RRM1: variants seen among roughly 807,000 people sequenced by gnomAD.
The protein encoded by RRM1 is ribonucleotide reductase catalytic subunit M1.
Under a neutral mutation model 101.5 loss-of-function variants are expected in RRM1, and 19 were observed. The ratio of observed to expected loss-of-function variants is 0.19; its 90% confidence interval spans 0.13 to 0.27. The LOEUF is 0.27. Among genes scored for constraint, RRM1 ranks in the 10% least tolerant of loss-of-function variants. RRM1 has a pLI of 1.00. For missense variants in RRM1, 500 were observed against 962.9 expected, an observed-to-expected ratio of 0.52 and a Z score of 6.36; for synonymous variants, 298 against 323.4, an observed-to-expected ratio of 0.92 and a Z score of 0.84.
chr11:4,109,953 A>G, intron 5 of RRM1, among the ~76,000 whole-genome samples: 1 of 152,164 alleles, frequency 6.6e-6, no homozygotes, highest in East Asian at 1.9e-4. Context: ...AAATTACCAT[A>G]AGTATTTCAT....
At chr11:4,118,069 A>G (rs1312242507) in intron 7 of RRM1, among the ~76,000 whole-genome samples, 1 of 152,214 alleles carries the variant, frequency 6.6e-6, no homozygotes, top group East Asian at 1.9e-4. Flanking sequence ...AGACTTATCT[A>G]TAAGACTTCC....
chr11:4,122,878 A>AC (rs928802776), intron 11 of RRM1, among the ~76,000 whole-genome samples: 4 of 151,956 alleles, frequency 2.6e-5, no homozygotes, highest in African/African-American at 9.7e-5. Flanking sequence ...GTCTCAAAAA[A>AC]AAAAAAAGGA....
At chr11:4,095,385 ACTGACGCTCAGAGCGAGGTGTCG>A (rs1294652438) in intron 1 of RRM1, among the ~76,000 whole-genome samples, 9 of 17,332 alleles carry the variant, frequency 5.2e-4, no homozygotes, top group Non-Finnish European at 4.3e-3. Context: ...AGATGAGGAA[ACTGACGCTCAGAGCGAGGTGTCG>A]CCGACTGACC....
intron 7 of RRM1, 88 bp downstream of exon 7, chr11:4,112,150 A>C: frequency 1.1e-6 from 1 of 934,790 alleles, no homozygotes; most frequent in Non-Finnish European, 1.7e-6. Flanking sequence ...ATGACCTTTT[A>C]GTAGCTGCCT....
intron 4 of RRM1, 50 bp downstream of exon 4, chr11:4,107,585 A>G (rs745452944): frequency 8.8e-7 from 1 of 1,141,590 alleles, no homozygotes; most frequent in South Asian, 1.3e-5. Context: ...CTTTTTTAAT[A>G]ATGCACACAT....
chr11:4,129,620 AT>A (rs887519704), intron 15 of RRM1, among the ~76,000 whole-genome samples: 12 of 136,164 alleles, frequency 8.8e-5, no homozygotes, highest in South Asian at 2.5e-4. Flanking sequence ...TGAAAAAAAA[AT>A]TTTTAAATTG....
chr11:4,109,464 G>A (rs976125066), intron 4 of RRM1, among the ~76,000 whole-genome samples, 180 bp from the exon 5 acceptor site: 2 of 151,750 alleles, frequency 1.3e-5, no homozygotes, highest in Non-Finnish European at 2.9e-5. Context: ...TAATTTATAT[G>A]TATTGTTTCT....
At chr11:4,111,221 C>T (rs1379928019) in intron 5 of RRM1, among the ~76,000 whole-genome samples, 2 of 151,548 alleles carry the variant, frequency 1.3e-5, no homozygotes, top group Non-Finnish European at 2.9e-5. Flanking sequence ...TTCTGGCTAA[C>T]ATGACGAAAC....
intron 18 of RRM1, among the ~76,000 whole-genome samples, chr11:4,136,763 T>TTA (rs1449961892): frequency 1.5e-4 from 23 of 150,456 alleles, no homozygotes; most frequent in African/African-American, 4.7e-4. Context: ...TGTTTTTTCT[T>TTA]TTTATTTATT....
chr11:4,124,735 A>G (rs2094586832), intron 12 of RRM1, among the ~76,000 whole-genome samples: 1 of 152,066 alleles, frequency 6.6e-6, no homozygotes, highest in Non-Finnish European at 1.5e-5. Context: ...TCTGTTGCCC[A>G]AGCTGGGCTG....
At chr11:4,112,169 T>A in intron 7 of RRM1, 107 bp downstream of exon 7, 1 of 763,316 alleles carries the variant, frequency 1.3e-6, no homozygotes, top group Non-Finnish European at 2.1e-6. Context: ...CTGCTCTGAT[T>A]AAATGAGATT....
chr11:4,118,776 A>G (rs2094577540), intron 8 of RRM1, among the ~76,000 whole-genome samples: 2 of 152,322 alleles, frequency 1.3e-5, no homozygotes, highest in South Asian at 2.1e-4. Context: ...TAAATGTTTT[A>G]CATGAGGTAC....
At chr11:4,104,708 G>A (rs2094556110) in intron 2 of RRM1, among the ~76,000 whole-genome samples, 1 of 152,126 alleles carries the variant, frequency 6.6e-6, no homozygotes, top group South Asian at 2.1e-4. Context: ...GATTATCAAA[G>A]TTGATAATTA....
At chr11:4,111,743 A>G (rs2094565875) in intron 6 of RRM1, 103 bp downstream of exon 6, 4 of 1,256,226 alleles carry the variant, frequency 3.2e-6, no homozygotes, top group African/African-American at 1.5e-5. Flanking sequence ...TCTAGATAAC[A>G]TTTTGGACTT....
Position 4,135,219 on chromosome 11 carries a change from T to C in RRM1, c.2139T>C (p.Ala713=). ...DQSQSLNIHI[A]EPNYGKLTSM... is the part of the protein sequence containing the mutation. ...GCCAATCTTTGAACATCCACATTGC[T>C]GAGCCTAACTATGGCAAACTCACTA... Residue 713 remains alanine, a synonymous_variant, in exon 18 of 19, where the codon GCT becomes GCC. Transcript: ENST00000300738. 6.2e-7 allele frequency: 1 copy of C among 1,613,476 alleles called. No individual in the cohort carries two copies. The highest frequency in any genetic ancestry group is 1.1e-5 in the South Asian group (1 of 90,816).
intron 18 of RRM1, among the ~76,000 whole-genome samples, chr11:4,136,740 TTG>T (rs1279945251): frequency 3.5e-5 from 5 of 141,394 alleles, no homozygotes; most frequent in African/African-American, 1.3e-4. Flanking sequence ...ATTTTTTTGT[TTG>T]TTTGTTTGTT....
chr11:4,114,504 C>T lies in RRM1; in HGVS notation c.650+2442C>T, dbSNP rs953258443. 2.0e-5 allele frequency among the ~76,000 whole-genome samples: 3 copies of T among 149,340 alleles called. No individual in the cohort carries two copies. In the Admixed American group the frequency reaches 2.0e-4, roughly 10 times the overall value. Reference sequence around the variant, plus strand: ...GGCGGAGGTTGCAGTGAGCCAACATCGCACCACTACACTCCAGCCTGGGCA... The same window carrying T: ...GGCGGAGGTTGCAGTGAGCCAACATTGCACCACTACACTCCAGCCTGGGCA... On this transcript the variant is annotated intron_variant, in intron 7 of 18. Transcript: ENST00000300738.
chr11:4,107,210 T>C (rs759639389), intron 3 of RRM1, among the ~76,000 whole-genome samples: 5 of 152,244 alleles, frequency 3.3e-5, no homozygotes, highest in Non-Finnish European at 7.3e-5. Flanking sequence ...TATTTTAAAC[T>C]ACAAGAACTT....
At position 4,122,815 on chromosome 11, in the gene RRM1, G is replaced by A. The variant is rs185729898; in HGVS notation, c.1119-368G>A. Among the ~76,000 whole-genome samples, 106 of 151,906 alleles carry A rather than the reference G, an allele frequency of 7.0e-4. 3 individuals are homozygous for A. In the East Asian group the frequency reaches 0.017, roughly 24 times the overall value. The stretch of plus-strand genomic sequence containing the variant: ...TTGAACCTGGGAGGTGGAGGTTGCA[G>A]TGAGCTGAGATTGTGCCACTGCACT... On this transcript the variant is annotated intron_variant, in intron 11 of 18. Coordinates refer to ENST00000300738, the MANE Select transcript of RRM1 (RefSeq NM_001033.5).
Sources: allele counts gnomAD v4.1 joint callset (sites outside exome capture counted in the v4.1 genomes callset), GRCh38; gene constraint gnomAD v4.1.1; transcripts MANE v1.5; gene names NCBI Gene and HGNC (gene_info 2026-07-23, HGNC 2026-07-21).